RERG: variants seen among roughly 807,000 people sequenced by gnomAD.
The protein encoded by RERG is ras-related and estrogen-regulated growth inhibitor.
In RERG, 25 loss-of-function variants were observed where a neutral mutation model predicts 23.2. The ratio of observed to expected loss-of-function variants is 1.08; its 90% confidence interval spans 0.79 to 1.50. The LOEUF (loss-of-function observed/expected upper bound fraction) is 1.50. Ranked by LOEUF, RERG falls within the 40% of genes most tolerant of loss-of-function variation. The pLI, the probability that RERG is intolerant of heterozygous loss-of-function variation, is 0.00. For synonymous variants in RERG, 81 were observed against 89.1 expected (o/e 0.91, Z 0.51); for missense variants, 253 against 250.1 (o/e 1.01, Z -0.08).
intron 2 of RERG, among the ~76,000 whole-genome samples, chr12:15,198,630 A>G (rs1865176638): frequency 6.6e-6 from 1 of 152,156 alleles, no homozygotes; most frequent in Non-Finnish European, 1.5e-5. Flanking sequence ...CAAATTTACT[A>G]TCATAGAGTT....
chr12:15,167,451 G>A (rs11056383), intron 2 of RERG, among the ~76,000 whole-genome samples: 17,555 of 152,132 alleles, frequency 0.12, 1,028 homozygotes, highest in Middle Eastern at 0.15. Flanking sequence ...CCCCGGCCCC[G>A]GGGTTTCTGA....
chr12:15,149,976 T>C (rs1289389952), intron 2 of RERG, among the ~76,000 whole-genome samples: 1 of 152,122 alleles, frequency 6.6e-6, no homozygotes, highest in Non-Finnish European at 1.5e-5. Flanking sequence ...CCCACTGAGA[T>C]GAATGCATTT....
chr12:15,144,652 G>A lies in RERG; in HGVS notation c.62-23533C>T, dbSNP rs373258832. On this transcript the variant is annotated intron_variant, in intron 2 of 4. Coordinates refer to ENST00000256953, the MANE Select transcript of RERG (RefSeq NM_032918.3). ...GTGGCCGAGTGGTGTGGATGACAGCGTGAATGGAGTGGGCTTAAGAGAATA... is the reference window on the plus strand; with the variant it reads ...GTGGCCGAGTGGTGTGGATGACAGCATGAATGGAGTGGGCTTAAGAGAATA... 2.5e-3 allele frequency among the ~76,000 whole-genome samples: 388 copies of A among 152,318 alleles called. 6 individuals carry two copies. In the South Asian group the frequency reaches 0.047, roughly 18 times the overall value.
intron 2 of RERG, among the ~76,000 whole-genome samples, chr12:15,125,628 A>C (rs563656424): frequency 6.6e-6 from 1 of 152,248 alleles, no homozygotes; most frequent in East Asian, 1.9e-4. Flanking sequence ...TCTATAGTTA[A>C]AATGTCATAA....
intron 2 of RERG, among the ~76,000 whole-genome samples, chr12:15,177,694 T>G (rs974004497): frequency 8.5e-5 from 13 of 152,166 alleles, no homozygotes; most frequent in African/African-American, 2.7e-4. Flanking sequence ...CAAACTTCTA[T>G]CTTACAAACA....
chr12:15,151,368 T>A (rs1266022804), intron 2 of RERG, among the ~76,000 whole-genome samples: 1 of 152,188 alleles, frequency 6.6e-6, no homozygotes, highest in Non-Finnish European at 1.5e-5. Flanking sequence ...ACCATTTACA[T>A]AAACATACCC....
At position 15,111,378 on chromosome 12, in the gene RERG, A is replaced by G. The variant is rs376732668; in HGVS notation, c.158T>C (p.Val53Ala). ...YRHQATIDDEVVSMEILDTAG... is the reference protein window; with the variant it reads ...YRHQATIDDEAVSMEILDTAG... The stretch of plus-strand genomic sequence containing the variant: ...AGTGTCTAGTATCTCCATGGAAACA[A>G]CTTCATCATCGATGGTTGCTTGGTG... Residue 53 changes from valine (V) to alanine (A), a missense_variant, in exon 4 of 5, where the codon GTT becomes GCT. Coordinates refer to ENST00000256953, the MANE Select transcript of RERG (RefSeq NM_032918.3). 1.1e-5 allele frequency: 18 copies of G among 1,613,374 alleles called. No individual in the cohort carries two copies. Among genetic ancestry groups the G allele is most frequent in the African/African-American group, 1.1e-4 (8 of 74,916 alleles).
chr12:15,191,389 A>G (rs1449216034), intron 2 of RERG, among the ~76,000 whole-genome samples: 1 of 152,140 alleles, frequency 6.6e-6, no homozygotes, highest in Non-Finnish European at 1.5e-5. Context: ...TTTCTCTCCA[A>G]GCCACTCACT....
At chr12:15,137,011 A>G (rs1158386418) in intron 2 of RERG, among the ~76,000 whole-genome samples, 2 of 151,928 alleles carry the variant, frequency 1.3e-5, no homozygotes, top group Non-Finnish European at 2.9e-5. Context: ...GAAGTCTCCA[A>G]CTATAATGGC....
intron 2 of RERG, among the ~76,000 whole-genome samples, chr12:15,127,263 C>T (rs1261179759): frequency 1.3e-5 from 2 of 152,136 alleles, no homozygotes; most frequent in Non-Finnish European, 2.9e-5. Context: ...GCTGGCATAG[C>T]ACTTGACACA....
chr12:15,116,507 A>G (rs1173029799), intron 3 of RERG, among the ~76,000 whole-genome samples: 1 of 152,208 alleles, frequency 6.6e-6, no homozygotes, highest in Non-Finnish European at 1.5e-5. Context: ...CTATTTGTTA[A>G]CTGAAACAAA....
At chr12:15,110,371 C>T (rs930047289) in intron 4 of RERG, among the ~76,000 whole-genome samples, 1 of 147,624 alleles carries the variant, frequency 6.8e-6, no homozygotes, top group African/African-American at 2.5e-5. Flanking sequence ...TGGGTTTAAA[C>T]ACTTTGATTC....
chr12:15,145,132 T>C (rs1393227556), intron 2 of RERG, among the ~76,000 whole-genome samples: 1 of 152,190 alleles, frequency 6.6e-6, no homozygotes, highest in Non-Finnish European at 1.5e-5. Context: ...GCATTAACAA[T>C]TGGAGTCTAA....
chr12:15,215,347 T>C (rs143618169), intron 2 of RERG, among the ~76,000 whole-genome samples: 9 of 152,078 alleles, frequency 5.9e-5, no homozygotes, highest in East Asian at 1.9e-4. Context: ...AGCTTCAACT[T>C]TGAGAAGTGC....
chr12:15,196,111 A>G (rs1220537635), intron 2 of RERG, among the ~76,000 whole-genome samples: 1 of 152,120 alleles, frequency 6.6e-6, no homozygotes, highest in African/African-American at 2.4e-5. Context: ...AATCTGAGAA[A>G]GGCATTTCTA....
chr12:15,162,170 G>C (rs985084124), intron 2 of RERG, among the ~76,000 whole-genome samples: 1 of 152,204 alleles, frequency 6.6e-6, no homozygotes, highest in Non-Finnish European at 1.5e-5. Flanking sequence ...AAAGCAATGG[G>C]AAGAGGAATG....
intron 2 of RERG, among the ~76,000 whole-genome samples, chr12:15,125,275 T>C (rs1290583435): frequency 6.6e-6 from 1 of 152,004 alleles, no homozygotes; most frequent in African/African-American, 2.4e-5. Context: ...CTTTAGTCCG[T>C]TATGGGTTGT....
chr12:15,167,476 G>A (rs753465253), intron 2 of RERG, among the ~76,000 whole-genome samples: 49 of 152,228 alleles, frequency 3.2e-4, no homozygotes, highest in African/African-American at 9.4e-4. Context: ...GTCGGTCTAG[G>A]GTGGGGCATG....
At position 15,131,682 on chromosome 12, in the gene RERG, G is replaced by A. The variant is rs116701219; in HGVS notation, c.62-10563C>T. On this transcript the variant is annotated intron_variant, in intron 2 of 4. Coordinates refer to ENST00000256953, the MANE Select transcript of RERG (RefSeq NM_032918.3). ...TATGCCATCTGGCATAAACCTCGCTGGATGACCTCCTTATACAGATCCTAG... is the reference window on the plus strand; with the variant it reads ...TATGCCATCTGGCATAAACCTCGCTAGATGACCTCCTTATACAGATCCTAG... Among the ~76,000 whole-genome samples the A allele has an allele frequency of 4.5e-3, 686 of 152,178 alleles. 7 individuals are homozygous for A. Among genetic ancestry groups the A allele is most frequent in the African/African-American group, 0.015 (628 of 41,516 alleles).
Sources: gnomAD v4.1 joint callset for allele counts (sites outside exome capture counted in the v4.1 genomes callset) on GRCh38, gnomAD v4.1.1 for gene constraint, MANE v1.5 for transcripts, NCBI Gene and HGNC (gene_info 2026-07-23, HGNC 2026-07-21) for gene names.